MOSMO: variants seen among roughly 807,000 people sequenced by gnomAD.
The protein encoded by MOSMO is modulator of smoothened protein.
Under a neutral mutation model 18.4 loss-of-function variants are expected in MOSMO, and 5 were observed. The ratio of observed to expected loss-of-function variants is 0.27; its 90% confidence interval spans 0.14 to 0.57. The LOEUF is 0.57. Among genes scored for constraint, MOSMO ranks in the 20% least tolerant of loss-of-function variants. The pLI is 0.92. For missense variants in MOSMO, 138 were observed against 211.8 expected (o/e 0.65, Z 2.16); for synonymous variants, 82 against 82.3 (o/e 1.00, Z 0.02).
intron 1 of MOSMO, among the ~76,000 whole-genome samples, chr16:22,026,862 A>T (rs1453704286): frequency 6.6e-6 from 1 of 152,218 alleles, no homozygotes; most frequent in African/African-American, 2.4e-5. Context: ...TGATAGGAGG[A>T]GTTAAACTGT....
At chr16:22,030,526 ATT>A (rs753637608) in intron 1 of MOSMO, among the ~76,000 whole-genome samples, 34 of 152,070 alleles carry the variant, frequency 2.2e-4, no homozygotes, top group Non-Finnish European at 2.1e-4. Flanking sequence ...TTTGGGACTC[ATT>A]TTTAACTATT....
chr16:22,045,508 T>C (rs532719639), intron 1 of MOSMO, among the ~76,000 whole-genome samples: 29 of 152,112 alleles, frequency 1.9e-4, no homozygotes, highest in Non-Finnish European at 3.7e-4. Context: ...AAAATAAAAA[T>C]TTGCTTTTTG....
downstream of MOSMO, among the ~76,000 whole-genome samples, chr16:22,091,579 C>T (rs542155579): frequency 2.1e-3 from 316 of 152,050 alleles, 1 homozygote; most frequent in Non-Finnish European, 3.3e-3. Context: ...TTTGTAGAGA[C>T]AGAGTCTCAC....
intron 1 of MOSMO, among the ~76,000 whole-genome samples, chr16:22,030,167 C>T (rs1432772242): frequency 6.6e-6 from 1 of 152,132 alleles, no homozygotes; most frequent in Non-Finnish European, 1.5e-5. Context: ...GGAGTCTGTA[C>T]TATTTGTTCT....
intron 1 of MOSMO, among the ~76,000 whole-genome samples, chr16:22,046,519 C>T (rs1469473954): frequency 6.6e-6 from 1 of 152,128 alleles, no homozygotes; most frequent in South Asian, 2.1e-4. Context: ...TATATGTCAA[C>T]AGTATTGTGC....
chr16:22,034,303 G>C (rs1442481604), intron 1 of MOSMO, among the ~76,000 whole-genome samples: 1 of 152,178 alleles, frequency 6.6e-6, no homozygotes, highest in African/African-American at 2.4e-5. Flanking sequence ...CTTCTGTAAT[G>C]TGCTTTCTTT....
At chr16:22,033,681 A>G (rs886361817) in intron 1 of MOSMO, among the ~76,000 whole-genome samples, 2 of 150,640 alleles carry the variant, frequency 1.3e-5, no homozygotes, top group African/African-American at 4.9e-5. Context: ...TCACCCGGGC[A>G]TGGTGGCAGG....
At chr16:22,029,658 C>T (rs2141993748) in intron 1 of MOSMO, among the ~76,000 whole-genome samples, 1 of 152,242 alleles carries the variant, frequency 6.6e-6, no homozygotes, top group Middle Eastern at 3.4e-3. Flanking sequence ...CAGGGTTTCT[C>T]CCTGTTGCCC....
At chr16:22,051,466 C>T (rs1389239892) in intron 1 of MOSMO, among the ~76,000 whole-genome samples, 1 of 151,722 alleles carries the variant, frequency 6.6e-6, no homozygotes, top group Non-Finnish European at 1.5e-5. Flanking sequence ...AAATAACAAA[C>T]TAGGCTAAAA....
At chr16:22,016,382 G>C (rs1043083180) in intron 1 of MOSMO, among the ~76,000 whole-genome samples, 1 of 152,118 alleles carries the variant, frequency 6.6e-6, no homozygotes, top group African/African-American at 2.4e-5. Context: ...TGGATTTTTA[G>C]TGTTTCCCTT....
chr16:22,058,661 G>T (rs35777883), intron 1 of MOSMO, among the ~76,000 whole-genome samples: 18,074 of 152,104 alleles, frequency 0.12, 1,334 homozygotes, highest in South Asian at 0.28. Context: ...TAACTGACCT[G>T]TGCAACTGGA....
At chr16:22,033,147 A>T (rs1475799582) in intron 1 of MOSMO, among the ~76,000 whole-genome samples, 1 of 152,180 alleles carries the variant, frequency 6.6e-6, no homozygotes, top group African/African-American at 2.4e-5. Flanking sequence ...CTCTTTAAAA[A>T]ATTCTATGGC....
intron 2 of MOSMO, 92 bp from the exon 3 acceptor site, chr16:22,080,604 C>A (rs1444781239): frequency 2.5e-6 from 2 of 786,300 alleles, no homozygotes; most frequent in Admixed American, 3.9e-5. Flanking sequence ...TTTGGCCAGC[C>A]CTTCTTACAA....
At chr16:22,070,412 G>A (rs1900825481) in intron 1 of MOSMO, among the ~76,000 whole-genome samples, 1 of 152,158 alleles carries the variant, frequency 6.6e-6, no homozygotes, top group African/African-American at 2.4e-5. Context: ...AAGATAAAAG[G>A]TGGTAACATA....
rs138308173 is a variant in MOSMO, at chr16:22,058,556, G to A, written c.107-16931G>A. 2.2e-3 allele frequency among the ~76,000 whole-genome samples: 328 copies of A among 152,256 alleles called. 2 individuals are homozygous for A. Among genetic ancestry groups the A allele is most frequent in the African/African-American group, 7.3e-3 (303 of 41,546 alleles). ...GGATGTTGGACATGTAGACAGAGAGGACAGGATAGACTTTTGTTTAGGAGG... is the reference window on the plus strand; with the variant it reads ...GGATGTTGGACATGTAGACAGAGAGAACAGGATAGACTTTTGTTTAGGAGG... On this transcript the variant is annotated intron_variant, in intron 1 of 2. Coordinates refer to ENST00000542527, the MANE Select transcript of MOSMO (RefSeq NM_001164579.2).
intron 1 of MOSMO, among the ~76,000 whole-genome samples, chr16:22,018,462 T>C (rs1054326476): frequency 8.5e-5 from 13 of 152,206 alleles, no homozygotes; most frequent in African/African-American, 2.9e-4. Context: ...CAAAGAGATA[T>C]GACCATTTGA....
chr16:22,022,987 G>C (rs969073546), intron 1 of MOSMO, among the ~76,000 whole-genome samples: 2 of 152,108 alleles, frequency 1.3e-5, no homozygotes, highest in Non-Finnish European at 2.9e-5. Flanking sequence ...TAAATGTAAA[G>C]GATGATTGAT....
intron 1 of MOSMO, among the ~76,000 whole-genome samples, chr16:22,017,267 A>T (rs1899659876): frequency 6.6e-6 from 1 of 152,208 alleles, no homozygotes; most frequent in Non-Finnish European, 1.5e-5. Flanking sequence ...AATTATTTAC[A>T]TAGTGACCGT....
At chr16:22,072,023 G>A (rs1453942618) in intron 1 of MOSMO, among the ~76,000 whole-genome samples, 1 of 152,128 alleles carries the variant, frequency 6.6e-6, no homozygotes, top group East Asian at 1.9e-4. Flanking sequence ...CAGTGGAGTG[G>A]AAGGTGCAGT....
Sources: allele counts gnomAD v4.1 joint callset (sites outside exome capture counted in the v4.1 genomes callset), GRCh38; gene constraint gnomAD v4.1.1; transcripts MANE v1.5; gene names NCBI Gene and HGNC (gene_info 2026-07-23, HGNC 2026-07-21).